Variants in SNCAIP observed in about 807,000 individuals in gnomAD.
SNCAIP encodes synuclein alpha interacting protein.
In SNCAIP, 43 loss-of-function variants were observed where a neutral mutation model predicts 86.7. The observed-to-expected ratio is 0.50, with a 90% CI of 0.39 to 0.64. SNCAIP has a LOEUF of 0.64. Ranked by LOEUF, SNCAIP falls within the 30% of genes least tolerant of loss-of-function variation. The probability of loss-of-function intolerance (pLI) is 0.00; values close to 1 mark genes in which losing one functional copy is unlikely to be tolerated. For missense variants in SNCAIP, 981 were observed against 1,103.1 expected (o/e 0.89, Z 1.57); for synonymous variants, 417 against 427.2 (o/e 0.98, Z 0.29).
intron 1 of SNCAIP, among the ~76,000 whole-genome samples, chr5:122,319,896 G>T (rs1397910047): frequency 6.6e-6 from 1 of 152,198 alleles, no homozygotes; most frequent in Non-Finnish European, 1.5e-5. Context: ...GTCTCCCACT[G>T]GGAAAGTACT....
chr5:122,439,768 T>TA lies in SNCAIP; in HGVS notation c.1297-860dup, dbSNP rs1373989485. The stretch of plus-strand genomic sequence containing the variant: ...CCACTAAACTTCATGCTGTTGTTTT[T>TA]ACCACTCTCATATTTTTTTAACTTT... On this transcript the variant is annotated intron_variant, in intron 6 of 10. Transcript: ENST00000261368. Among the ~76,000 whole-genome samples the TA allele has an allele frequency of 3.3e-5, 5 of 152,356 alleles. No homozygotes were observed. The East Asian group carries it at 9.6e-4, about 29-fold the overall frequency.
At chr5:122,431,203 T>C (rs1156445527) in intron 5 of SNCAIP, among the ~76,000 whole-genome samples, 2 of 152,134 alleles carry the variant, frequency 1.3e-5, no homozygotes, top group Non-Finnish European at 2.9e-5. Context: ...GTTTGGTGGC[T>C]TTTTATTAAG....
At chr5:122,372,312 G>A (rs957791846) in intron 1 of SNCAIP, among the ~76,000 whole-genome samples, 2 of 152,150 alleles carry the variant, frequency 1.3e-5, no homozygotes, top group Non-Finnish European at 2.9e-5. Context: ...TTTCCATGGT[G>A]TAAATACTCC....
At chr5:122,340,518 C>T (rs1429277798) in intron 1 of SNCAIP, among the ~76,000 whole-genome samples, 2 of 152,140 alleles carry the variant, frequency 1.3e-5, no homozygotes, top group African/African-American at 2.4e-5. Context: ...AGCTTCAGTA[C>T]CTGTTTCATT....
chr5:122,377,551 T>C (rs1258973325), intron 1 of SNCAIP, among the ~76,000 whole-genome samples: 2 of 151,914 alleles, frequency 1.3e-5, no homozygotes, highest in Non-Finnish European at 2.9e-5. Context: ...GATATTTTTT[T>C]TATATACTTT....
In SNCAIP at chr5:122,352,225, G is replaced by A. The variant is rs112237458; in HGVS notation, c.-46-38864G>A. 1.5e-3 allele frequency among the ~76,000 whole-genome samples: 221 copies of A among 152,236 alleles called. 1 individual carries two copies. Among genetic ancestry groups the A allele is most frequent in the African/African-American group, 5.0e-3 (209 of 41,556 alleles). On this transcript the variant is annotated intron_variant, in intron 1 of 10. Transcript: ENST00000261368. ...TGTCATCAAAAAAGATGACACCACT[G>A]CTTGCCTAAAAGTCTCAAAGGTCAT...
At chr5:122,316,775 CT>C (rs1751825437) in intron 1 of SNCAIP, among the ~76,000 whole-genome samples, 1 of 152,204 alleles carries the variant, frequency 6.6e-6, no homozygotes, top group Non-Finnish European at 1.5e-5. Flanking sequence ...ATGCAAGGTG[CT>C]GTTTCTTCAG....
At chr5:122,379,637 T>C (rs1181528326) in intron 1 of SNCAIP, among the ~76,000 whole-genome samples, 3 of 151,670 alleles carry the variant, frequency 2.0e-5, no homozygotes, top group Admixed American at 2.0e-4. Flanking sequence ...AGGGAATGCT[T>C]CCAGTTTTTG....
intron 1 of SNCAIP, among the ~76,000 whole-genome samples, chr5:122,377,317 T>A (rs536154439): frequency 3.0e-4 from 46 of 152,302 alleles, no homozygotes; most frequent in African/African-American, 9.1e-4. Context: ...CAATATGTTT[T>A]TTCTTTGTGT....
At chr5:122,460,867 T>A (rs1483897171) in intron 10 of SNCAIP, among the ~76,000 whole-genome samples, 1 of 152,190 alleles carries the variant, frequency 6.6e-6, no homozygotes, top group African/African-American at 2.4e-5. Flanking sequence ...CCCCTCCTCC[T>A]GCCCCCATCT....
intron 10 of SNCAIP, 141 bp downstream of exon 10, chr5:122,451,742 T>C (rs1783731297): frequency 1.5e-6 from 1 of 648,446 alleles, no homozygotes; most frequent in Non-Finnish European, 2.7e-6. Flanking sequence ...GAAAGCCAAC[T>C]TCATGTGTCT....
chr5:122,459,812 C>T (rs1471142794), intron 10 of SNCAIP, among the ~76,000 whole-genome samples: 3 of 152,112 alleles, frequency 2.0e-5, no homozygotes, highest in Admixed American at 1.3e-4. Context: ...AAGAGTAATA[C>T]TAGCATTATA....
intron 7 of SNCAIP, among the ~76,000 whole-genome samples, chr5:122,442,756 T>A (rs1299702373): frequency 6.6e-6 from 1 of 152,222 alleles, no homozygotes; most frequent in Admixed American, 6.5e-5. Context: ...ATTTTAGTTA[T>A]TTTTCTTTTT....
chr5:122,449,924 C>T lies in SNCAIP; in HGVS notation c.1672C>T (p.Pro558Ser), dbSNP rs1345179016. 20 of 1,610,330 alleles carry T rather than the reference C, an allele frequency of 1.2e-5. No individual in the cohort carries two copies. Among genetic ancestry groups the T allele is most frequent in the Non-Finnish European group, 1.7e-5 (20 of 1,176,668 alleles). Reference sequence around the variant, plus strand: ...CCAGAAATCAGAGGGCAAGTCACTCCCTTCTTCACCCAGGTAATACCAGCA... The same window carrying T: ...CCAGAAATCAGAGGGCAAGTCACTCTCTTCTTCACCCAGGTAATACCAGCA... ...EAQKSEGKSLPSSPSSPSSPA... is the reference protein window; with the variant it reads ...EAQKSEGKSLSSSPSSPSSPA... Residue 558 changes from proline (P) to serine (S), a missense_variant, in exon 9 of 11, where the codon CCT becomes TCT. Pro to Ser is a moderately conservative substitution (Grantham distance 74). Coordinates refer to ENST00000261368, the MANE Select transcript of SNCAIP (RefSeq NM_005460.4).
chr5:122,331,307 G>C (rs192027200), intron 1 of SNCAIP, among the ~76,000 whole-genome samples: 1 of 152,106 alleles, frequency 6.6e-6, no homozygotes, highest in African/African-American at 2.4e-5. Flanking sequence ...GGTTTTAAAT[G>C]TTCATTAAGC....
chr5:122,425,656 C>T, intron 5 of SNCAIP, 125 bp downstream of exon 5: 1 of 771,658 alleles, frequency 1.3e-6, no homozygotes, highest in Non-Finnish European at 2.2e-6. Context: ...AGCAAATGAA[C>T]ATATTGCATT....
intron 1 of SNCAIP, among the ~76,000 whole-genome samples, chr5:122,352,743 G>T (rs1294602405): frequency 6.6e-6 from 1 of 152,134 alleles, no homozygotes; most frequent in East Asian, 1.9e-4. Flanking sequence ...AGGTGGGGTG[G>T]CTCACACCTG....
At chr5:122,408,740 T>A (rs1311444331) in intron 3 of SNCAIP, among the ~76,000 whole-genome samples, 9 of 152,334 alleles carry the variant, frequency 5.9e-5, no homozygotes, top group South Asian at 2.1e-4. Flanking sequence ...GAGAATGAAC[T>A]GCCTGTGCAT....
At chr5:122,379,818 C>T (rs372891618) in intron 1 of SNCAIP, among the ~76,000 whole-genome samples, 25 of 147,760 alleles carry the variant, frequency 1.7e-4, no homozygotes, top group Admixed American at 4.7e-4. Flanking sequence ...TTGTCTTTGG[C>T]TCTGTTTATA....
Sources: gnomAD v4.1 joint callset for allele counts (sites outside exome capture counted in the v4.1 genomes callset) on GRCh38, gnomAD v4.1.1 for gene constraint, MANE v1.5 for transcripts, NCBI Gene and HGNC (gene_info 2026-07-23, HGNC 2026-07-21) for gene names.